Variants in RPS6KC1 observed in about 807,000 individuals in gnomAD.
RPS6KC1 encodes inactive ribosomal protein S6 kinase delta-1.
In RPS6KC1, 54 loss-of-function variants were observed where a neutral mutation model predicts 103.8. The observed-to-expected ratio is 0.52, with a 90% CI of 0.42 to 0.65. RPS6KC1 has a LOEUF of 0.65. RPS6KC1 is among the 30% of genes least tolerant of loss of function. The pLI, the probability that RPS6KC1 is intolerant of heterozygous loss-of-function variation, is 0.00. For synonymous variants in RPS6KC1, 439 were observed against 438.7 expected (o/e 1.00, Z -0.01); for missense variants, 1,151 against 1,253.8 (o/e 0.92, Z 1.24).
At chr1:213,413,311 G>C in the RPS6KC1 span, among the ~76,000 whole-genome samples, 1 of 152,122 alleles carries the variant, frequency 6.6e-6, no homozygotes, top group Admixed American at 6.6e-5. Flanking sequence ...TATATAATAA[G>C]TTATTGTTAA....
At chr1:213,780,945 C>A in the RPS6KC1 span, among the ~76,000 whole-genome samples, 1 of 152,136 alleles carries the variant, frequency 6.6e-6, no homozygotes, top group East Asian at 1.9e-4. Context: ...ATCACTTGAA[C>A]CCAGAAGGGG....
chr1:213,265,045 T>G (rs897936326), intron 14 of RPS6KC1, among the ~76,000 whole-genome samples: 9 of 152,170 alleles, frequency 5.9e-5, no homozygotes, highest in African/African-American at 2.2e-4. Flanking sequence ...TTTTAAGAAA[T>G]TATGTGAGGA....
At position 213,176,450 on chromosome 1, in the gene RPS6KC1, C is replaced by G; in HGVS notation, c.1002C>G (p.Ala334=). 1 of 1,608,944 alleles carries G rather than the reference C, an allele frequency of 6.2e-7. No individual in the cohort carries two copies. The highest frequency in any genetic ancestry group is 1.3e-5 in the African/African-American group (1 of 74,954). The change falls in exon 8 of 15, where the codon GCC becomes GCG. Residue 334 remains alanine, a synonymous_variant. Transcript: ENST00000366960. ...SRPLWNLRSP[A]EELKAFRVLG... Reference sequence around the variant, plus strand: ...CCCTTTGGAACCTAAGGAGCCCTGCCGAGGAGCTGAAGGCCTTCAGAGTCC... The same window carrying G: ...CCCTTTGGAACCTAAGGAGCCCTGCGGAGGAGCTGAAGGCCTTCAGAGTCC...
At chr1:213,204,434 G>A (rs1181540462) in intron 8 of RPS6KC1, among the ~76,000 whole-genome samples, 1 of 151,476 alleles carries the variant, frequency 6.6e-6, no homozygotes, top group Non-Finnish European at 1.5e-5. Flanking sequence ...TCCTTTATTT[G>A]TAGTACAATA....
intron 10 of RPS6KC1, among the ~76,000 whole-genome samples, chr1:213,236,116 C>T (rs2148900254): frequency 6.6e-6 from 1 of 152,212 alleles, no homozygotes; most frequent in Admixed American, 6.5e-5. Flanking sequence ...CTAGGTTGCA[C>T]ACTCCTTATG....
intron 3 of RPS6KC1, among the ~76,000 whole-genome samples, chr1:213,087,239 CT>C (rs1260962374): frequency 6.6e-6 from 1 of 152,050 alleles, no homozygotes; most frequent in Admixed American, 6.5e-5. Flanking sequence ...AGGATTTTCT[CT>C]TTTGTGGCAT....
At chr1:213,797,314 T>C in the RPS6KC1 span, among the ~76,000 whole-genome samples, 2 of 152,196 alleles carry the variant, frequency 1.3e-5, no homozygotes, top group African/African-American at 4.8e-5. Flanking sequence ...TGGTAAAGAA[T>C]ATACATTAAC....
chr1:213,707,233 T>A, the RPS6KC1 span, among the ~76,000 whole-genome samples: 1 of 152,174 alleles, frequency 6.6e-6, no homozygotes, highest in South Asian at 2.1e-4. Flanking sequence ...TTTTTAATGA[T>A]CAGCATTCTA....
the RPS6KC1 span, among the ~76,000 whole-genome samples, chr1:213,329,506 C>G: frequency 6.6e-6 from 1 of 152,010 alleles, no homozygotes; most frequent in Non-Finnish European, 1.5e-5. Context: ...AGGAAGCCAG[C>G]AGGCAGAATG....
chr1:213,534,757 A>G, the RPS6KC1 span, among the ~76,000 whole-genome samples: 9 of 152,356 alleles, frequency 5.9e-5, no homozygotes, highest in South Asian at 1.9e-3. Context: ...TTGAGCAGTC[A>G]AAAATAAGTA....
chr1:213,114,356 C>CTGTT lies in RPS6KC1; in HGVS notation c.379-2958_379-2957insTTGT, dbSNP rs528296052. Among the ~76,000 whole-genome samples, 259 of 42,924 alleles carry CTGTT rather than the reference C, an allele frequency of 6.0e-3. 1 individual carries two copies. The highest frequency in any genetic ancestry group is 7.6e-3 in the East Asian group (16 of 2,104). 28.2% of individuals were successfully genotyped at this position (42,924 alleles called of 152,430 possible). A position where few individuals can be genotyped will look rare whatever the true frequency, so the allele number is the denominator to read the frequency against. ...GGGAGTTCACTCATGATTTGGCTCT[C>CTGTT]TGTCTGTTGTTGGTGTATAAGAATG... On this transcript the variant is annotated intron_variant, in intron 4 of 14. Transcript: ENST00000366960.
chr1:213,667,958 T>G, the RPS6KC1 span, among the ~76,000 whole-genome samples: 14 of 152,328 alleles, frequency 9.2e-5, no homozygotes, highest in East Asian at 2.7e-3. Context: ...ATCTTCAGGG[T>G]CTACTTCTAA....
chr1:213,664,074 C>T, the RPS6KC1 span, among the ~76,000 whole-genome samples: 1 of 152,098 alleles, frequency 6.6e-6, no homozygotes, highest in Admixed American at 6.6e-5. Flanking sequence ...GTCACAGCAG[C>T]CTGACCTTCT....
the RPS6KC1 span, among the ~76,000 whole-genome samples, chr1:213,845,645 C>A: frequency 5.9e-5 from 9 of 152,116 alleles, no homozygotes; most frequent in Admixed American, 6.5e-5. Flanking sequence ...ATTATATTAG[C>A]AACTTTTGAT....
the RPS6KC1 span, among the ~76,000 whole-genome samples, chr1:213,347,917 T>A: frequency 1.3e-5 from 2 of 152,126 alleles, no homozygotes; most frequent in East Asian, 3.9e-4. Context: ...ATAGCCATCT[T>A]TGGGGGTTAT....
At chr1:213,310,656 G>C in the RPS6KC1 span, among the ~76,000 whole-genome samples, 3 of 152,222 alleles carry the variant, frequency 2.0e-5, no homozygotes, top group Non-Finnish European at 4.4e-5. Context: ...TTCGTCGTAT[G>C]TAGGCATTGT....
At position 213,167,982 on chromosome 1, in the gene RPS6KC1, C is replaced by T. The variant is rs2091145459; in HGVS notation, c.951+9C>T. ...TTGATGATGTATCTCAGGTATGTCT[C>T]ATATTTTGTTGTGTGTTTTCTTCAG... On this transcript the variant is annotated intron_variant, in intron 7 of 14. Transcript: ENST00000366960. The T allele has an allele frequency of 1.3e-6, 2 of 1,566,016 alleles. No homozygotes were observed. The highest frequency in any genetic ancestry group is 1.8e-6 in the Non-Finnish European group (2 of 1,138,866).
At chr1:213,570,259 C>T in the RPS6KC1 span, among the ~76,000 whole-genome samples, 3 of 152,140 alleles carry the variant, frequency 2.0e-5, no homozygotes, top group Admixed American at 6.5e-5. Flanking sequence ...TAGTATTTAT[C>T]TCAGGGTTAT....
the RPS6KC1 span, among the ~76,000 whole-genome samples, chr1:213,730,721 TTG>T: frequency 4.8e-4 from 73 of 152,300 alleles, 2 homozygotes; most frequent in East Asian, 0.014. Flanking sequence ...ATTCTGTAGG[TTG>T]TCTGTTTATT....
Sources: gnomAD v4.1 joint callset for allele counts (sites outside exome capture counted in the v4.1 genomes callset) on GRCh38, gnomAD v4.1.1 for gene constraint, MANE v1.5 for transcripts, NCBI Gene and HGNC (gene_info 2026-07-23, HGNC 2026-07-21) for gene names.